Variants in EGFLAM observed in about 807,000 individuals in gnomAD.
EGFLAM encodes the protein pikachurin.
A neutral mutation model predicts 113.1 loss-of-function variants in EGFLAM; 79 were observed. The observed-to-expected ratio is 0.70, with a 90% CI of 0.58 to 0.84. The LOEUF (loss-of-function observed/expected upper bound fraction) is 0.84. EGFLAM is among the 40% of genes least tolerant of loss of function. The pLI, the probability that EGFLAM is intolerant of heterozygous loss-of-function variation, is 0.00. For synonymous variants in EGFLAM, 504 were observed against 487.6 expected, an observed-to-expected ratio of 1.03 and a Z score of -0.44; for missense variants, 1,265 against 1,291.6, an observed-to-expected ratio of 0.98 and a Z score of 0.32.
At position 38,448,340 on chromosome 5, in the gene EGFLAM, G is replaced by A. The variant is rs780497462; in HGVS notation, c.2504G>A (p.Arg835His). 4.6e-5 allele frequency: 75 copies of A among 1,614,000 alleles called. No homozygotes were observed. Among genetic ancestry groups the A allele is most frequent in the Non-Finnish European group, 5.8e-5 (68 of 1,180,040 alleles). ...EAIEIPQFIG[R>H]SYLTYDNPDI... ...ATTGAGATCCCGCAGTTTATCGGCCGCAGTTACCTGACGTATGACAACCCA... is the reference window on the plus strand; with the variant it reads ...ATTGAGATCCCGCAGTTTATCGGCCACAGTTACCTGACGTATGACAACCCA... Residue 835 changes from arginine to histidine, a missense_variant, in exon 18 of 22, where the codon CGC becomes CAC. Arg to His is a conservative substitution (Grantham distance 29). Coordinates refer to ENST00000322350, the MANE Select transcript of EGFLAM (RefSeq NM_152403.4).
At position 38,258,602 on chromosome 5, in the gene EGFLAM, A is replaced by C; in HGVS notation, c.-153A>C. ...CCCGGCTGCAGTCCTACCTCTTGGA[A>C]CTACCCGTGTTTCCGGGCCCAGCCC... On this transcript the variant is annotated 5_prime_UTR_variant, in exon 1 of 22. Transcript: ENST00000322350. 4.8e-6 allele frequency: 4 copies of C among 825,796 alleles called. No homozygotes were observed. The highest frequency in any genetic ancestry group is 7.9e-6 in the Non-Finnish European group (4 of 504,166). 51.2% of individuals were successfully genotyped at this position (825,796 alleles called of 1,614,324 possible). A position where few individuals can be genotyped will look rare whatever the true frequency, so the allele number is the denominator to read the frequency against.
At chr5:38,328,969 A>G (rs1170998781) in intron 1 of EGFLAM, among the ~76,000 whole-genome samples, 2 of 151,950 alleles carry the variant, frequency 1.3e-5, no homozygotes, top group Non-Finnish European at 2.9e-5. Flanking sequence ...AGTCTCTTTT[A>G]AGCTTAGAAA....
Position 38,390,085 on chromosome 5 carries a change from G to A in EGFLAM, c.713-16041G>A, listed in dbSNP as rs138748475. Among the ~76,000 whole-genome samples, 318 of 152,170 alleles carry A rather than the reference G, an allele frequency of 2.1e-3. 7 individuals carry two copies. In the East Asian group the frequency reaches 0.045, roughly 22 times the overall value. The stretch of plus-strand genomic sequence containing the variant: ...TTCAGTGGTAGAGAAAAAAATTACA[G>A]GTACAGGGGCAGCCCCTGAGTACTT... On this transcript the variant is annotated intron_variant, in intron 6 of 21. Transcript: ENST00000322350.
In EGFLAM at chr5:38,258,661, G is replaced by T. The variant is rs1229674888; in HGVS notation, c.-94G>T. 9 of 1,413,542 alleles carry T rather than the reference G, an allele frequency of 6.4e-6. No homozygotes were observed. The East Asian group carries it at 2.2e-4, about 35-fold the overall frequency. 87.6% of individuals were successfully genotyped at this position (1,413,542 alleles called of 1,614,324 possible). A position where few individuals can be genotyped will look rare whatever the true frequency, so the allele number is the denominator to read the frequency against. ...CCCCACCTCCTCGCCCCGGCCCGGG[G>T]ATCCGTTGGGGCCGCGTCCCCCACG... On this transcript the variant is annotated 5_prime_UTR_variant, in exon 1 of 22. Coordinates refer to ENST00000322350, the MANE Select transcript of EGFLAM (RefSeq NM_152403.4).
intron 10 of EGFLAM, among the ~76,000 whole-genome samples, chr5:38,412,046 C>T (rs1194364937): frequency 1.3e-5 from 2 of 151,968 alleles, no homozygotes; most frequent in African/African-American, 2.4e-5. Context: ...GTGATCCGCC[C>T]GCCTTCGCCT....
chr5:38,310,484 T>G (rs927999805), intron 1 of EGFLAM, among the ~76,000 whole-genome samples: 6 of 152,178 alleles, frequency 3.9e-5, no homozygotes, highest in African/African-American at 1.4e-4. Flanking sequence ...TTAAAATTAT[T>G]CTTTAGCTAT....
chr5:38,465,220 T>G lies in EGFLAM; in HGVS notation c.*1234T>G, dbSNP rs192273093. Among the ~76,000 whole-genome samples, 28 of 152,282 alleles carry G rather than the reference T, an allele frequency of 1.8e-4. No homozygotes were observed. Among genetic ancestry groups the G allele is most frequent in the Admixed American group, 4.6e-4 (7 of 15,306 alleles). On this transcript the variant is annotated 3_prime_UTR_variant, in exon 22 of 22. Transcript: ENST00000322350. ...TACCATGAGCTGTGTCCCTTTACTA[T>G]GCAAGCACATGACCCCAGAGACAGC...
chr5:38,391,217 G>C (rs1418826577), intron 6 of EGFLAM, among the ~76,000 whole-genome samples: 1 of 151,998 alleles, frequency 6.6e-6, no homozygotes, highest in Non-Finnish European at 1.5e-5. Context: ...AGTTTCCCCA[G>C]CACCAAGTAT....
chr5:38,280,605 T>C (rs1467610815), intron 1 of EGFLAM, among the ~76,000 whole-genome samples: 1 of 152,174 alleles, frequency 6.6e-6, no homozygotes, highest in Non-Finnish European at 1.5e-5. Flanking sequence ...TCTGGCTGGC[T>C]CCGTGACACC....
At position 38,370,469 on chromosome 5, in the gene EGFLAM, A is replaced by G. The variant is rs765823404; in HGVS notation, c.712+7A>G. 12 of 1,612,424 alleles carry G rather than the reference A, an allele frequency of 7.4e-6. No homozygotes were observed. The highest frequency in any genetic ancestry group is 8.5e-6 in the Non-Finnish European group (10 of 1,178,892). On this transcript the variant is annotated splice_region_variant and intron_variant, in intron 6 of 21. Coordinates refer to ENST00000322350, the MANE Select transcript of EGFLAM (RefSeq NM_152403.4). ...GACATCATCCGGACCCTCTGTGAGT[A>G]CCAGGGTCCTTCTGAGGGACCAAGG...
At chr5:38,425,467 T>C (rs1230763253) in intron 13 of EGFLAM, among the ~76,000 whole-genome samples, 2 of 152,148 alleles carry the variant, frequency 1.3e-5, no homozygotes, top group Admixed American at 6.5e-5. Context: ...ACGCCAGGCC[T>C]CATCAATGTA....
chr5:38,397,318 T>C (rs1740987203), intron 6 of EGFLAM, among the ~76,000 whole-genome samples: 1 of 152,214 alleles, frequency 6.6e-6, no homozygotes, highest in Non-Finnish European at 1.5e-5. Context: ...TCCACATCTT[T>C]GCAGTCCCTG....
At chr5:38,289,402 A>T (rs1758253949) in intron 1 of EGFLAM, among the ~76,000 whole-genome samples, 1 of 152,164 alleles carries the variant, frequency 6.6e-6, no homozygotes, top group African/African-American at 2.4e-5. Context: ...AGTAAGCTAG[A>T]TAATGCTGCA....
Position 38,336,644 on chromosome 5 carries a change from C to T in EGFLAM, c.98-876C>T, listed in dbSNP as rs116630389. The stretch of plus-strand genomic sequence containing the variant: ...AGCTGAGCTTCCCAAATCCAAAAAT[C>T]TGAAACCCTAAATGCTCCAGAATCC... On this transcript the variant is annotated intron_variant, in intron 1 of 21. Coordinates refer to ENST00000322350, the MANE Select transcript of EGFLAM (RefSeq NM_152403.4). Among the ~76,000 whole-genome samples, 1,205 of 150,724 alleles carry T rather than the reference C, an allele frequency of 8.0e-3. 19 individuals carry two copies. The highest frequency in any genetic ancestry group is 0.026 in the African/African-American group (1,038 of 40,514).
intron 1 of EGFLAM, among the ~76,000 whole-genome samples, chr5:38,272,679 T>C (rs1217910279): frequency 6.6e-6 from 1 of 152,174 alleles, no homozygotes; most frequent in Non-Finnish European, 1.5e-5. Flanking sequence ...CTGATAAAAA[T>C]GAATACTCCT....
chr5:38,445,673 G>C, intron 17 of EGFLAM: 1 of 1,598,466 alleles, frequency 6.3e-7, no homozygotes, highest in Non-Finnish European at 8.5e-7. Context: ...TGCTGGCACC[G>C]GGCAGAGTGT....
chr5:38,262,139 C>T (rs1274749597), intron 1 of EGFLAM, among the ~76,000 whole-genome samples: 15 of 152,180 alleles, frequency 9.9e-5, no homozygotes, highest in Non-Finnish European at 2.2e-4. Context: ...CTGGAACTGG[C>T]ACCTGGACCT....
chr5:38,369,604 C>G (rs1458516285), intron 5 of EGFLAM, among the ~76,000 whole-genome samples: 1 of 152,176 alleles, frequency 6.6e-6, no homozygotes, highest in Non-Finnish European at 1.5e-5. Context: ...TCTCATTTTA[C>G]AGATGGGAAA....
chr5:38,282,543 A>T (rs1388111925), intron 1 of EGFLAM: 1 of 152,252 alleles, frequency 6.6e-6, no homozygotes, highest in East Asian at 1.9e-4. Flanking sequence ...GCTTATAGGC[A>T]GAACAGTTTC....
Sources: allele counts gnomAD v4.1 joint callset (sites outside exome capture counted in the v4.1 genomes callset), GRCh38; gene constraint gnomAD v4.1.1; transcripts MANE v1.5; gene names NCBI Gene and HGNC (gene_info 2026-07-23, HGNC 2026-07-21).